The following DOC2B variants were observed in gnomAD, a reference collection of about 807,000 sequenced individuals.
DOC2B encodes the protein double C2-like domain-containing protein beta.
A neutral mutation model predicts 28.9 loss-of-function variants in DOC2B; 21 were observed. That is an observed-to-expected ratio of 0.73 (90% CI 0.52 to 1.05). DOC2B has a LOEUF of 1.05. DOC2B is among the 50% of genes least tolerant of loss of function. The probability of loss-of-function intolerance (pLI) is 0.00; values close to 1 mark genes in which losing one functional copy is unlikely to be tolerated. For synonymous variants in DOC2B, 194 were observed against 178.1 expected, an observed-to-expected ratio of 1.09 and a Z score of -0.71; for missense variants, 384 against 421.1, an observed-to-expected ratio of 0.91 and a Z score of 0.77.
chr17:161,321 C>A, intron 5 of DOC2B, 94 bp downstream of exon 5: 1 of 1,313,952 alleles, frequency 7.6e-7, no homozygotes, highest in Non-Finnish European at 1.1e-6. Context: ...TCTCACTCTG[C>A]CCCTCATGAG....
intron 1 of DOC2B, among the ~76,000 whole-genome samples, chr17:180,484 C>T (rs1251024526): frequency 6.6e-6 from 1 of 152,020 alleles, no homozygotes; most frequent in Non-Finnish European, 1.5e-5. Flanking sequence ...GCGGCGGGGT[C>T]CATGGACACC....
intron 1 of DOC2B, among the ~76,000 whole-genome samples, chr17:176,015 G>C (rs79283308): frequency 0.011 from 1,747 of 152,288 alleles, 20 homozygotes; most frequent in African/African-American, 0.04. Flanking sequence ...TCACAGTTTT[G>C]AGAGGCTGGT....
chr17:148,609 C>T (rs1371640254), intron 7 of DOC2B, among the ~76,000 whole-genome samples: 3 of 152,274 alleles, frequency 2.0e-5, no homozygotes, highest in East Asian at 1.9e-4. Context: ...CTGTGGGACC[C>T]TCCCTTCCAT....
chr17:171,952 G>A (rs866547976), intron 2 of DOC2B, among the ~76,000 whole-genome samples: 2 of 148,820 alleles, frequency 1.3e-5, no homozygotes, highest in Non-Finnish European at 3.0e-5. Flanking sequence ...AGGCTGCAGA[G>A]GGGAGCACCA....
intron 2 of DOC2B, among the ~76,000 whole-genome samples, chr17:170,543 T>C (rs2040300157): frequency 6.6e-6 from 1 of 152,044 alleles, no homozygotes; most frequent in Admixed American, 6.5e-5. Flanking sequence ...CAGGCAGCTC[T>C]GTGGGAAGCC....
chr17:157,467 T>C (rs1014727498), intron 5 of DOC2B, among the ~76,000 whole-genome samples: 2 of 152,206 alleles, frequency 1.3e-5, no homozygotes, highest in African/African-American at 4.8e-5. Flanking sequence ...ACTCTACCTG[T>C]AAATTTTGAT....
At chr17:173,403 G>A (rs939800127) in intron 1 of DOC2B, among the ~76,000 whole-genome samples, 17 of 152,184 alleles carry the variant, frequency 1.1e-4, no homozygotes, top group African/African-American at 3.1e-4. Context: ...GTGGCAGTCC[G>A]CAGACAGCAA....
intron 1 of DOC2B, among the ~76,000 whole-genome samples, chr17:179,001 G>A (rs1176861847): frequency 6.6e-6 from 1 of 152,218 alleles, no homozygotes; most frequent in African/African-American, 2.4e-5. Context: ...CTGGGCTTCT[G>A]GGCCTAGGAT....
At chr17:156,159 C>T (rs2040132264) in intron 6 of DOC2B, 61 bp downstream of exon 6, 1 of 1,482,156 alleles carries the variant, frequency 6.7e-7, no homozygotes, top group Non-Finnish European at 9.0e-7. Context: ...GGAGCCGGCA[C>T]ACGGACCCCC....
intron 5 of DOC2B, among the ~76,000 whole-genome samples, chr17:157,354 C>G (rs2040147712): frequency 6.6e-6 from 1 of 152,224 alleles, no homozygotes; most frequent in African/African-American, 2.4e-5. Context: ...GGTTGGCCGT[C>G]CCCTCTGCGC....
At chr17:152,842 C>G (rs2040086861) in intron 6 of DOC2B, among the ~76,000 whole-genome samples, 1 of 152,178 alleles carries the variant, frequency 6.6e-6, no homozygotes, top group Non-Finnish European at 1.5e-5. Flanking sequence ...ACCCATCTAG[C>G]TTTGGCCCTC....
chr17:160,862 C>G (rs1390943699), intron 5 of DOC2B, among the ~76,000 whole-genome samples: 2 of 152,166 alleles, frequency 1.3e-5, no homozygotes, highest in African/African-American at 4.8e-5. Context: ...GCTGTCTCCT[C>G]TGCGTATCTC....
chr17:165,723 C>A (rs1377672358), intron 2 of DOC2B, among the ~76,000 whole-genome samples: 1 of 152,132 alleles, frequency 6.6e-6, no homozygotes, highest in East Asian at 1.9e-4. Context: ...TGGCCCAACA[C>A]GTGCTCAAGG....
chr17:144,148 C>CTTTT lies in DOC2B; in HGVS notation c.*3289_*3292dup, dbSNP rs1177567945. ...GCCTGGTTACTGACACCTGGAATGA[C>CTTTT]TTTTTTTTTTTGGCATCAGATTTCC... On this transcript the variant is annotated 3_prime_UTR_variant, in exon 9 of 9. Transcript: ENST00000613549. 8.9e-3 allele frequency: 1,295 copies of CTTTT among 145,162 alleles called. 14 individuals are homozygous for CTTTT. Among genetic ancestry groups the CTTTT allele is most frequent in the African/African-American group, 0.029 (1,129 of 39,258 alleles). The allele number at this position is 145,162 out of a possible 1,614,324, so 9.0% of individuals were successfully genotyped here.
chr17:177,428 G>A (rs990098649), intron 1 of DOC2B, among the ~76,000 whole-genome samples: 2 of 152,104 alleles, frequency 1.3e-5, no homozygotes, highest in African/African-American at 4.8e-5. Context: ...GCCTACACTG[G>A]GCTGAGTTTC....
At chr17:166,415 C>T (rs576793665) in intron 2 of DOC2B, among the ~76,000 whole-genome samples, 9 of 152,360 alleles carry the variant, frequency 5.9e-5, no homozygotes, top group African/African-American at 1.7e-4. Flanking sequence ...ACATGCTCCC[C>T]AGCTTGGGAG....
At chr17:158,397 G>A (rs1475776531) in intron 5 of DOC2B, among the ~76,000 whole-genome samples, 2 of 151,962 alleles carry the variant, frequency 1.3e-5, no homozygotes, top group Admixed American at 6.6e-5. Context: ...GCCCACAACC[G>A]TGCCCTGCCT....
At chr17:159,351 C>A (rs1401620338) in intron 5 of DOC2B, among the ~76,000 whole-genome samples, 1 of 151,646 alleles carries the variant, frequency 6.6e-6, no homozygotes, top group African/African-American at 2.4e-5. Context: ...ATTAGCCAGG[C>A]GTGGTGGCGC....
Position 144,407 on chromosome 17 carries a change from G to C in DOC2B, c.*3034C>G, listed in dbSNP as rs2040005800. On this transcript the variant is annotated 3_prime_UTR_variant, in exon 9 of 9. Coordinates refer to ENST00000613549, the MANE Select transcript of DOC2B (RefSeq NM_003585.5). ...CCTGAGTAGCTGGGACTACAGGCGT[G>C]CGCCACCACACCCGGCTAATTTTTG... 2 of 152,258 alleles carry C rather than the reference G, an allele frequency of 1.3e-5. No individual in the cohort carries two copies. Among genetic ancestry groups the C allele is most frequent in the South Asian group, 2.1e-4 (1 of 4,826 alleles). The allele number at this position is 152,258 out of a possible 1,614,324, so 9.4% of individuals were successfully genotyped here. A position where few individuals can be genotyped will look rare whatever the true frequency, so the allele number is the denominator to read the frequency against.
Sources: allele counts gnomAD v4.1 joint callset (sites outside exome capture counted in the v4.1 genomes callset), GRCh38; gene constraint gnomAD v4.1.1; transcripts MANE v1.5; gene names NCBI Gene and HGNC (gene_info 2026-07-23, HGNC 2026-07-21).